DLG2: variants seen among roughly 807,000 people sequenced by gnomAD.
The protein encoded by DLG2 is disks large homolog 2.
Under a neutral mutation model 132.5 loss-of-function variants are expected in DLG2, and 45 were observed. The observed-to-expected ratio is 0.34, with a 90% CI of 0.27 to 0.44. The LOEUF (loss-of-function observed/expected upper bound fraction) is 0.44. Among genes scored for constraint, DLG2 ranks in the 20% least tolerant of loss-of-function variants. The probability of loss-of-function intolerance (pLI) is 1.00; values close to 1 mark genes in which losing one functional copy is unlikely to be tolerated. For synonymous variants in DLG2, 424 were observed against 419.6 expected (o/e 1.01, Z -0.13); for missense variants, 1,045 against 1,196.9 (o/e 0.87, Z 1.87).
At chr11:84,780,231 T>A (rs575095158) in intron 6 of DLG2, among the ~76,000 whole-genome samples, 1 of 152,146 alleles carries the variant, frequency 6.6e-6, no homozygotes, top group South Asian at 2.1e-4. Context: ...TGGCTCAATA[T>A]TCTCAAATTA....
chr11:84,088,613 T>C (rs2097033225), intron 10 of DLG2, among the ~76,000 whole-genome samples: 1 of 152,208 alleles, frequency 6.6e-6, no homozygotes, highest in South Asian at 2.1e-4. Flanking sequence ...TGGGGACTTG[T>C]CGATTGCCAG....
intron 3 of DLG2, among the ~76,000 whole-genome samples, chr11:85,416,002 T>C (rs1358772931): frequency 1.3e-5 from 2 of 152,224 alleles, no homozygotes; most frequent in African/African-American, 4.8e-5. Context: ...TTACGGTTTT[T>C]AGGTCTTACA....
At position 83,545,867 on chromosome 11, in the gene DLG2, T is replaced by C. The variant is rs531098257; in HGVS notation, c.1941-4009A>G. Among the ~76,000 whole-genome samples the C allele has an allele frequency of 5.3e-5, 8 of 152,262 alleles. No homozygotes were observed. In the South Asian group the frequency reaches 1.7e-3, roughly 32 times the overall value. ...TTCAGCAGCTTCTGGCTCCTTTGGA[T>C]ATTAATGGATCCTCACATCTGGGAA... On this transcript the variant is annotated intron_variant, in intron 19 of 27. Coordinates refer to ENST00000376104, the MANE Select transcript of DLG2 (RefSeq NM_001142699.3).
At chr11:85,468,359 G>A (rs1008640351) in intron 3 of DLG2, among the ~76,000 whole-genome samples, 2 of 152,232 alleles carry the variant, frequency 1.3e-5, no homozygotes, top group Non-Finnish European at 1.5e-5. Context: ...GCTAGCTTTT[G>A]AATGTGTTTG....
At chr11:83,748,748 T>G (rs1168313868) in intron 18 of DLG2, among the ~76,000 whole-genome samples, 1 of 152,240 alleles carries the variant, frequency 6.6e-6, no homozygotes, top group Non-Finnish European at 1.5e-5. Context: ...GTATCTTTTA[T>G]GTGCACTATT....
chr11:83,531,973 G>T (rs1220449941), intron 21 of DLG2, among the ~76,000 whole-genome samples: 2 of 141,388 alleles, frequency 1.4e-5, no homozygotes, highest in Non-Finnish European at 3.0e-5. Flanking sequence ...TAGATTAGTG[G>T]TTGCCTATGT....
intron 19 of DLG2, among the ~76,000 whole-genome samples, chr11:83,605,790 G>A (rs1594350345): frequency 6.6e-6 from 1 of 152,302 alleles, no homozygotes; most frequent in East Asian, 1.9e-4. Context: ...TACTTGCAGT[G>A]TTCCACTATT....
At chr11:83,847,315 ACT>A (rs910945510) in intron 16 of DLG2, among the ~76,000 whole-genome samples, 21 of 152,260 alleles carry the variant, frequency 1.4e-4, no homozygotes, top group East Asian at 7.7e-4. Flanking sequence ...AGAGAAAAAA[ACT>A]CTGCATATTC....
chr11:84,752,421 T>C (rs1251316274), intron 6 of DLG2, among the ~76,000 whole-genome samples: 1 of 152,168 alleles, frequency 6.6e-6, no homozygotes, highest in Admixed American at 6.5e-5. Flanking sequence ...TTAAAAAAAC[T>C]GTAGCAGTGT....
chr11:84,856,797 C>A (rs115291288), intron 6 of DLG2, among the ~76,000 whole-genome samples: 3,769 of 152,114 alleles, frequency 0.025, 181 homozygotes, highest in African/African-American at 0.087. Flanking sequence ...TCTGCCTTCT[C>A]TCAGCCTCTT....
intron 18 of DLG2, among the ~76,000 whole-genome samples, chr11:83,639,291 G>A (rs1333656594): frequency 3.3e-5 from 5 of 152,184 alleles, no homozygotes; most frequent in African/African-American, 1.2e-4. Flanking sequence ...AGCCATAAAC[G>A]GAGGGAACAG....
intron 7 of DLG2, among the ~76,000 whole-genome samples, chr11:84,321,715 A>T (rs2098405741): frequency 6.6e-6 from 1 of 152,236 alleles, no homozygotes; most frequent in Middle Eastern, 3.2e-3. Flanking sequence ...TAATCTAAAA[A>T]GAAGTGGGAT....
intron 6 of DLG2, among the ~76,000 whole-genome samples, chr11:84,819,857 A>G (rs963747228): frequency 6.6e-6 from 1 of 151,786 alleles, no homozygotes; most frequent in African/African-American, 2.4e-5. Flanking sequence ...AGAAACCTGA[A>G]CAGAGCTGCA....
intron 6 of DLG2, among the ~76,000 whole-genome samples, chr11:84,877,997 T>C (rs544859018): frequency 1.3e-5 from 2 of 152,112 alleles, no homozygotes; most frequent in South Asian, 2.1e-4. Flanking sequence ...GAAATGCAAA[T>C]CAAAACACAA....
intron 15 of DLG2, among the ~76,000 whole-genome samples, chr11:83,921,905 T>C (rs1293102086): frequency 6.6e-6 from 1 of 152,140 alleles, no homozygotes; most frequent in Non-Finnish European, 1.5e-5. Flanking sequence ...ACGGAGTTAT[T>C]TGAACGTCAC....
intron 6 of DLG2, among the ~76,000 whole-genome samples, chr11:84,578,963 G>A (rs1003800187): frequency 3.9e-5 from 6 of 152,088 alleles, no homozygotes; most frequent in Admixed American, 1.3e-4. Context: ...TAGTGAATAA[G>A]TCTCATGAAA....
At chr11:84,248,373 A>G (rs1236414176) in intron 8 of DLG2, among the ~76,000 whole-genome samples, 6 of 152,152 alleles carry the variant, frequency 3.9e-5, no homozygotes, top group Non-Finnish European at 8.8e-5. Context: ...CCAGAAGCTA[A>G]GAAAATCTCT....
intron 7 of DLG2, among the ~76,000 whole-genome samples, chr11:84,380,326 A>G (rs1213437503): frequency 1.3e-5 from 2 of 152,002 alleles, no homozygotes; most frequent in African/African-American, 2.4e-5. Context: ...TCAAATATAC[A>G]TGGAACATTT....
intron 7 of DLG2, among the ~76,000 whole-genome samples, chr11:84,264,603 T>C (rs779901700): frequency 2.0e-5 from 3 of 152,182 alleles, no homozygotes; most frequent in African/African-American, 4.8e-5. Flanking sequence ...AGTGAAATGA[T>C]GATTCCCAGG....
Sources: allele counts gnomAD v4.1 joint callset (sites outside exome capture counted in the v4.1 genomes callset), GRCh38; gene constraint gnomAD v4.1.1; transcripts MANE v1.5; gene names NCBI Gene and HGNC (gene_info 2026-07-23, HGNC 2026-07-21).